SYT16: variants seen among roughly 807,000 people sequenced by gnomAD.
SYT16 encodes the protein synaptotagmin-16.
In SYT16, 42 loss-of-function variants were observed where a neutral mutation model predicts 61.4. That is an observed-to-expected ratio of 0.68 (90% CI 0.53 to 0.89). SYT16 has a LOEUF of 0.89. SYT16 is among the 40% of genes least tolerant of loss of function. The pLI, the probability that SYT16 is intolerant of heterozygous loss-of-function variation, is 0.00. For missense variants in SYT16, 804 were observed against 807.3 expected (o/e 1.00, Z 0.05); for synonymous variants, 314 against 302.3 (o/e 1.04, Z -0.40).
intron 3 of SYT16, among the ~76,000 whole-genome samples, chr14:62,063,217 A>G (rs1434115182): frequency 6.6e-6 from 1 of 152,132 alleles, no homozygotes; most frequent in Non-Finnish European, 1.5e-5. Context: ...TTCCACTACA[A>G]CAACCCTAAT....
intron 3 of SYT16, among the ~76,000 whole-genome samples, chr14:61,998,635 C>T (rs1705501940): frequency 6.6e-6 from 1 of 151,942 alleles, no homozygotes; most frequent in East Asian, 1.9e-4. Context: ...TATTTATTTC[C>T]AATATCAATG....
chr14:61,885,051 C>T (rs997816098), intron 1 of SYT16, among the ~76,000 whole-genome samples: 2 of 152,184 alleles, frequency 1.3e-5, no homozygotes, highest in African/African-American at 4.8e-5. Flanking sequence ...TTGACTGAGT[C>T]ACATCCAGCT....
chr14:61,912,372 G>A (rs947242259), intron 1 of SYT16, among the ~76,000 whole-genome samples: 1 of 152,178 alleles, frequency 6.6e-6, no homozygotes, highest in East Asian at 1.9e-4. Context: ...ATGTGACATT[G>A]TGTGTACTTA....
intron 1 of SYT16, among the ~76,000 whole-genome samples, chr14:61,841,989 G>A (rs1034479155): frequency 6.6e-5 from 10 of 152,180 alleles, no homozygotes; most frequent in South Asian, 2.1e-4. Flanking sequence ...ATGAGTGCAG[G>A]TGTCTTCTGT....
At chr14:61,949,386 C>G (rs1317138958) in intron 1 of SYT16, among the ~76,000 whole-genome samples, 6 of 152,204 alleles carry the variant, frequency 3.9e-5, no homozygotes, top group Non-Finnish European at 5.9e-5. Flanking sequence ...TAGAATGAAC[C>G]AGTCCACAGA....
chr14:62,001,462 T>A (rs2053011107), intron 3 of SYT16, among the ~76,000 whole-genome samples: 1 of 152,140 alleles, frequency 6.6e-6, no homozygotes, highest in Admixed American at 6.6e-5. Flanking sequence ...TTTTTCTGCA[T>A]GTAATATGTG....
intron 1 of SYT16, among the ~76,000 whole-genome samples, chr14:61,947,004 C>T (rs996659821): frequency 3.3e-5 from 5 of 151,860 alleles, no homozygotes; most frequent in Non-Finnish European, 7.4e-5. Context: ...AAGCAGATGC[C>T]GATGGTTGTC....
At chr14:61,888,364 C>T (rs189813712) in intron 1 of SYT16, among the ~76,000 whole-genome samples, 9 of 152,124 alleles carry the variant, frequency 5.9e-5, no homozygotes, top group African/African-American at 1.4e-4. Flanking sequence ...GAGATCTGCC[C>T]GCCTTGGTCT....
At chr14:61,854,088 C>A (rs942879805) in intron 1 of SYT16, among the ~76,000 whole-genome samples, 2 of 151,822 alleles carry the variant, frequency 1.3e-5, no homozygotes, top group Non-Finnish European at 2.9e-5. Flanking sequence ...ACACACACAC[C>A]CCCACCCCAA....
At chr14:62,015,384 C>G (rs544401822) in intron 3 of SYT16, among the ~76,000 whole-genome samples, 2 of 152,114 alleles carry the variant, frequency 1.3e-5, no homozygotes, top group Admixed American at 6.5e-5. Context: ...TGTAAATATC[C>G]TATAAATACT....
intron 1 of SYT16, among the ~76,000 whole-genome samples, chr14:61,833,834 T>C (rs2046029387): frequency 6.6e-6 from 1 of 151,534 alleles, no homozygotes; most frequent in African/African-American, 2.4e-5. Flanking sequence ...TACAGGACTG[T>C]TCTTTAAGGT....
intron 7 of SYT16, among the ~76,000 whole-genome samples, chr14:62,086,305 C>T (rs1248449055): frequency 6.6e-6 from 1 of 152,066 alleles, no homozygotes; most frequent in African/African-American, 2.4e-5. Context: ...ATGGAGAAAC[C>T]CCAGCTCTAC....
intron 2 of SYT16, among the ~76,000 whole-genome samples, chr14:61,979,867 C>T (rs1032819261): frequency 6.6e-5 from 10 of 151,658 alleles, no homozygotes; most frequent in East Asian, 1.9e-4. Flanking sequence ...GGCGACAGAG[C>T]GAGACTCTGT....
intron 7 of SYT16, among the ~76,000 whole-genome samples, chr14:62,086,642 C>G (rs894399770): frequency 1.3e-5 from 2 of 152,100 alleles, no homozygotes; most frequent in African/African-American, 4.8e-5. Context: ...GAGGATGGAA[C>G]TATTATATCT....
chr14:62,014,829 T>C (rs2053604302), intron 3 of SYT16, among the ~76,000 whole-genome samples: 1 of 152,220 alleles, frequency 6.6e-6, no homozygotes, highest in Non-Finnish European at 1.5e-5. Context: ...TTTCATATTT[T>C]CTCATACAAA....
intron 1 of SYT16, among the ~76,000 whole-genome samples, chr14:61,958,853 C>T (rs1018808463): frequency 7.2e-5 from 11 of 151,866 alleles, no homozygotes; most frequent in Non-Finnish European, 1.0e-4. Flanking sequence ...AGGATATTGA[C>T]GTCTTTTATT....
chr14:61,832,663 C>T (rs1050301549), intron 1 of SYT16, among the ~76,000 whole-genome samples: 10 of 152,152 alleles, frequency 6.6e-5, no homozygotes, highest in African/African-American at 2.2e-4. Context: ...GTCTCGGACA[C>T]CTGACCTCAG....
chr14:61,857,188 G>A (rs1246549136), intron 1 of SYT16, among the ~76,000 whole-genome samples: 2 of 152,130 alleles, frequency 1.3e-5, no homozygotes, highest in East Asian at 1.9e-4. Flanking sequence ...GATGTAAAGC[G>A]CCAGCCACAA....
At chr14:61,910,357 GCCTCCCGA>G in intron 1 of SYT16, among the ~76,000 whole-genome samples, 1 of 151,420 alleles carries the variant, frequency 6.6e-6, no homozygotes, top group African/African-American at 2.4e-5. Flanking sequence ...TCCTGCCTCA[GCCTCCCGA>G]GTAGCTGAGA....
Sources: allele counts gnomAD v4.1 joint callset (sites outside exome capture counted in the v4.1 genomes callset), GRCh38; gene constraint gnomAD v4.1.1; transcripts MANE v1.5; gene names NCBI Gene and HGNC (gene_info 2026-07-23, HGNC 2026-07-21).